The following GALNTL5 variants were observed in gnomAD, a reference collection of about 807,000 sequenced individuals.
The protein encoded by GALNTL5 is inactive polypeptide N-acetylgalactosaminyltransferase-like protein 5.
Under a neutral mutation model 51.0 loss-of-function variants are expected in GALNTL5, and 44 were observed. The observed-to-expected ratio is 0.86, with a 90% CI of 0.68 to 1.11. The LOEUF (loss-of-function observed/expected upper bound fraction) is 1.11, where lower values mean the gene tolerates loss of function less well. GALNTL5 is among the 50% of genes least tolerant of loss of function. The pLI is 0.00. For missense variants in GALNTL5, 528 were observed against 531.8 expected (o/e 0.99, Z 0.07); for synonymous variants, 192 against 182.8 (o/e 1.05, Z -0.41).
rs372910024 is a variant in GALNTL5 at position 151,974,872 on chromosome 7, C to T, written c.368+3807C>T. On this transcript the variant is annotated intron_variant, in intron 3 of 8. Coordinates refer to ENST00000392800, the MANE Select transcript of GALNTL5 (RefSeq NM_145292.4). ...AGATTTGTCCAGAAAGAAAAGTGGA[C>T]TTGGCAGTTTTAATATTTAAAATAT... Among the ~76,000 whole-genome samples the T allele has an allele frequency of 1.3e-4, 20 of 152,218 alleles. No individual in the cohort carries two copies. In the East Asian group the frequency reaches 3.5e-3, roughly 26 times the overall value.
chr7:151,995,210 A>T (rs1462929429), intron 5 of GALNTL5: 1 of 152,186 alleles, frequency 6.6e-6, no homozygotes, highest in Non-Finnish European at 1.5e-5. Flanking sequence ...GCAGGGCATG[A>T]AGGAAACCGC....
chr7:151,967,476 A>G lies in GALNTL5; in HGVS notation c.230A>G (p.Lys77Arg). Residue 77 changes from lysine (K) to arginine (R), a missense_variant, in exon 2 of 9, where the codon AAA becomes AGA. Physicochemically the swap from Lys to Arg is conservative, Grantham distance 26 (BLOSUM62 2). Transcript: ENST00000392800. ...ATAGTCAAAAGGACTGATGAAGATA[A>G]AGCAAAGTCTATGTTAGGTAAGTAT... Reference protein sequence around the residue: ...HVIVKRTDEDKAKSMLGTDFN... With the variant: ...HVIVKRTDEDRAKSMLGTDFN... 6.2e-7 allele frequency: 1 copy of G among 1,613,666 alleles called. No homozygotes were observed. The highest frequency in any genetic ancestry group is 8.5e-7 in the Non-Finnish European group (1 of 1,179,720).
intron 3 of GALNTL5, among the ~76,000 whole-genome samples, chr7:151,980,259 T>C (rs2081262428): frequency 1.3e-5 from 2 of 152,170 alleles, no homozygotes; most frequent in African/African-American, 4.8e-5. Flanking sequence ...AATTTTTGTA[T>C]TTTTAATAGA....
chr7:152,014,783 A>T lies in GALNTL5; in HGVS notation c.1166A>T (p.Asp389Val), dbSNP rs199860896. ...CTAAGACTGGTGCACGTTTGGCTGG[A>T]TGAATATAAGGTGGGGAACACATCC... ...NYLRLVHVWLDEYKEQFFLRK... is the reference protein window; with the variant it reads ...NYLRLVHVWLVEYKEQFFLRK... Residue 389 changes from aspartate (D) to valine (V), a missense_variant, in exon 8 of 9, where the codon GAT (aspartate) becomes GTT (valine). By Grantham distance (152) the Asp-to-Val change is radical. Transcript: ENST00000392800. The T allele has an allele frequency of 1.5e-5, 24 of 1,610,008 alleles. No individual in the cohort carries two copies. The East Asian group carries it at 5.1e-4, about 34-fold the overall frequency.
intron 5 of GALNTL5, among the ~76,000 whole-genome samples, chr7:151,992,515 C>T (rs528387486): frequency 1.5e-3 from 230 of 152,288 alleles, no homozygotes; most frequent in African/African-American, 4.5e-3. Flanking sequence ...GCGTCACCCT[C>T]GGCTCCGCCT....
chr7:151,981,496 T>C (rs2081285084), intron 3 of GALNTL5, among the ~76,000 whole-genome samples: 1 of 152,054 alleles, frequency 6.6e-6, no homozygotes, highest in Admixed American at 6.6e-5. Context: ...CTGCTGCAGC[T>C]TCTAGGTCCT....
At chr7:151,965,821 A>T (rs1416639872) in intron 1 of GALNTL5, among the ~76,000 whole-genome samples, 1 of 152,146 alleles carries the variant, frequency 6.6e-6, no homozygotes, top group South Asian at 2.1e-4. Context: ...CAGAAAATCA[A>T]GGCTGCAGTG....
intron 7 of GALNTL5, among the ~76,000 whole-genome samples, chr7:152,014,245 T>G (rs1233632060): frequency 6.6e-6 from 1 of 152,232 alleles, no homozygotes; most frequent in South Asian, 2.1e-4. Context: ...AGAAACTTAA[T>G]TAGCCATTAT....
rs201457645 is a variant in GALNTL5 at position 151,970,657 on chromosome 7, G to GC, written c.248-283dup. Reference sequence around the variant, plus strand: ...CTGCCAAGATTGGAAGCTTCCTGAGGCCCCCACCAGGAGCAGATGCTGGCT... The same window carrying GC: ...CTGCCAAGATTGGAAGCTTCCTGAGGCCCCCCACCAGGAGCAGATGCTGGCT... On this transcript the variant is annotated intron_variant, in intron 2 of 8. Coordinates refer to ENST00000392800, the MANE Select transcript of GALNTL5 (RefSeq NM_145292.4). The GC allele has an allele frequency of 4.3e-3, 981 of 228,226 alleles. 13 individuals carry two copies. The highest frequency in any genetic ancestry group is 0.022 in the African/African-American group (945 of 42,014). 14.1% of individuals were successfully genotyped at this position (228,226 alleles called of 1,614,324 possible). A position where few individuals can be genotyped will look rare whatever the true frequency, so the allele number is the denominator to read the frequency against.
intron 7 of GALNTL5, among the ~76,000 whole-genome samples, chr7:152,014,142 A>G (rs992391402): frequency 3.9e-5 from 6 of 152,210 alleles, no homozygotes; most frequent in African/African-American, 1.4e-4. Flanking sequence ...TCATTGGGCA[A>G]ACTTCTTAAC....
intron 6 of GALNTL5, among the ~76,000 whole-genome samples, chr7:152,003,909 A>G (rs187340725): frequency 1.1e-3 from 165 of 152,324 alleles, no homozygotes; most frequent in Non-Finnish European, 1.8e-3. Context: ...TATTTGCTAA[A>G]TGGTAAAATG....
intron 4 of GALNTL5, among the ~76,000 whole-genome samples, chr7:151,985,135 A>G (rs1288209313): frequency 6.6e-6 from 1 of 152,172 alleles, no homozygotes; most frequent in African/African-American, 2.4e-5. Flanking sequence ...AGAGCAAGCT[A>G]GCTCCATCAC....
chr7:151,976,051 G>C (rs2081201310), intron 3 of GALNTL5, among the ~76,000 whole-genome samples: 1 of 152,046 alleles, frequency 6.6e-6, no homozygotes, highest in African/African-American at 2.4e-5. Flanking sequence ...TTCAGCTGTT[G>C]GATAAAATGC....
chr7:151,993,986 A>G (rs2081460308), intron 5 of GALNTL5, among the ~76,000 whole-genome samples: 1 of 152,162 alleles, frequency 6.6e-6, no homozygotes, highest in Non-Finnish European at 1.5e-5. Flanking sequence ...GTGTGTGTGT[A>G]TATATGTATA....
intron 4 of GALNTL5, 127 bp downstream of exon 4, chr7:151,983,279 G>A (rs2081318055): frequency 1.3e-6 from 1 of 772,218 alleles, no homozygotes; most frequent in Non-Finnish European, 2.2e-6. Context: ...CTGAGTTCAA[G>A]CGATTCTCCT....
At chr7:151,958,631 TGG>T (rs2080954969) in intron 1 of GALNTL5, among the ~76,000 whole-genome samples, 1 of 92,840 alleles carries the variant, frequency 1.1e-5, no homozygotes, top group African/African-American at 5.2e-5. Context: ...TCCAGCCCAC[TGG>T]TGCTCCTAGG....
intron 5 of GALNTL5, among the ~76,000 whole-genome samples, chr7:151,987,929 C>T (rs1188514415): frequency 6.6e-6 from 1 of 152,218 alleles, no homozygotes; most frequent in Non-Finnish European, 1.5e-5. Flanking sequence ...CTCCCAACCA[C>T]CACCCTCACA....
chr7:152,012,134 G>T (rs1235088759), intron 7 of GALNTL5, among the ~76,000 whole-genome samples: 1 of 152,174 alleles, frequency 6.6e-6, no homozygotes, highest in Non-Finnish European at 1.5e-5. Context: ...TTATACCTCT[G>T]CATGCATGAT....
chr7:151,981,051 A>AT (rs1563009610), intron 3 of GALNTL5, among the ~76,000 whole-genome samples: 2 of 151,942 alleles, frequency 1.3e-5, no homozygotes, highest in African/African-American at 2.4e-5. Context: ...GGCCACAATG[A>AT]TTTTTTTATT....
Sources: gnomAD v4.1 joint callset for allele counts (sites outside exome capture counted in the v4.1 genomes callset) on GRCh38, gnomAD v4.1.1 for gene constraint, MANE v1.5 for transcripts, NCBI Gene and HGNC (gene_info 2026-07-23, HGNC 2026-07-21) for gene names.